The following LMBR1 variants were observed in gnomAD, a reference collection of about 807,000 sequenced individuals.
LMBR1 encodes limb region 1 protein homolog.
In LMBR1, 52 loss-of-function variants were observed where a neutral mutation model predicts 73.9. The ratio of observed to expected loss-of-function variants is 0.70; its 90% confidence interval spans 0.56 to 0.89. The LOEUF (loss-of-function observed/expected upper bound fraction) is 0.89, where lower values mean the gene tolerates loss of function less well. Ranked by LOEUF, LMBR1 falls within the 40% of genes least tolerant of loss-of-function variation. The probability of loss-of-function intolerance (pLI) is 0.00; values close to 1 mark genes in which losing one functional copy is unlikely to be tolerated. For synonymous variants in LMBR1, 215 were observed against 209.4 expected, an observed-to-expected ratio of 1.03 and a Z score of -0.23; for missense variants, 539 against 579.8, an observed-to-expected ratio of 0.93 and a Z score of 0.72.
chr7:156,756,591 CA>C (rs958142370), intron 8 of LMBR1, 126 bp from the exon 9 acceptor site: 1 of 589,984 alleles, frequency 1.7e-6, no homozygotes, highest in Non-Finnish European at 3.0e-6. Flanking sequence ...GAACACAAAA[CA>C]AAAAAACTCC....
intron 15 of LMBR1, among the ~76,000 whole-genome samples, chr7:156,716,832 T>C (rs981671556): frequency 3.3e-5 from 5 of 152,144 alleles, no homozygotes; most frequent in Admixed American, 6.5e-5. Flanking sequence ...AAGAGGTAGA[T>C]GTGAGGCCAG....
chr7:156,802,788 C>G (rs1831238062), intron 4 of LMBR1, among the ~76,000 whole-genome samples: 1 of 152,032 alleles, frequency 6.6e-6, no homozygotes, highest in African/African-American at 2.4e-5. Flanking sequence ...CCCACCTCCC[C>G]CTGATTCCCA....
chr7:156,699,979 G>C (rs13438473), intron 15 of LMBR1, among the ~76,000 whole-genome samples: 11,730 of 152,222 alleles, frequency 0.077, 651 homozygotes, highest in East Asian at 0.15. Flanking sequence ...GTGGAAGTCA[G>C]TGTGGCGATT....
chr7:156,736,474 C>G (rs1222524107), intron 9 of LMBR1: 1 of 455,976 alleles, frequency 2.2e-6, no homozygotes, highest in African/African-American at 2.0e-5. Context: ...GCACATAGCT[C>G]AAAGTGTCAA....
intron 5 of LMBR1, among the ~76,000 whole-genome samples, chr7:156,774,993 A>C (rs1417920436): frequency 1.8e-4 from 28 of 152,204 alleles, no homozygotes; most frequent in Non-Finnish European, 1.5e-5. Context: ...AGAAGGGAAC[A>C]ACAGACACTG....
downstream of LMBR1, chr7:156,676,412 G>A: frequency 1.9e-6 from 3 of 1,614,026 alleles, no homozygotes; most frequent in South Asian, 1.1e-5. Context: ...CGTCCTGTGT[G>A]CCGCAGGCTC....
intron 4 of LMBR1, among the ~76,000 whole-genome samples, chr7:156,815,798 G>A (rs10251204): frequency 0.36 from 54,014 of 151,652 alleles, 9,874 homozygotes; most frequent in East Asian, 0.57. Context: ...ATAAATCCTC[G>A]AATACTAAGG....
intron 5 of LMBR1, among the ~76,000 whole-genome samples, chr7:156,764,451 C>G (rs752664502): frequency 5.3e-5 from 8 of 152,026 alleles, no homozygotes; most frequent in Admixed American, 3.9e-4. Context: ...ACTTCAGGAC[C>G]AAACTAAAGG....
In LMBR1 at chr7:156,836,898, G is replaced by A. The variant is rs1044490037; in HGVS notation, c.67-13C>T. The A allele has an allele frequency of 1.8e-5, 27 of 1,508,510 alleles. No individual in the cohort carries two copies. Among genetic ancestry groups the A allele is most frequent in the Middle Eastern group, 1.7e-4 (1 of 5,896 alleles). The allele number at this position is 1,508,510 out of a possible 1,614,324, so 93.4% of individuals were successfully genotyped here. On this transcript the variant is annotated splice_polypyrimidine_tract_variant and intron_variant, in intron 1 of 16. Transcript: ENST00000353442. Reference sequence around the variant, plus strand: ...GAAGGAAACATATCTGAAACAAAACGAAGTTAACAGATCATTTACTTTTTT... The same window carrying A: ...GAAGGAAACATATCTGAAACAAAACAAAGTTAACAGATCATTTACTTTTTT...
intron 5 of LMBR1, among the ~76,000 whole-genome samples, chr7:156,788,361 A>C (rs1828536863): frequency 6.6e-6 from 1 of 152,198 alleles, no homozygotes; most frequent in South Asian, 2.1e-4. Flanking sequence ...TGTTACTATT[A>C]GTATGCTCTT....
intron 7 of LMBR1, among the ~76,000 whole-genome samples, chr7:156,762,584 A>T (rs1042096532): frequency 7.9e-5 from 12 of 152,384 alleles, no homozygotes; most frequent in African/African-American, 2.6e-4. Context: ...AAAGGTGACA[A>T]CCATAGTCTT....
intron 9 of LMBR1, among the ~76,000 whole-genome samples, chr7:156,750,975 TG>T (rs1820768392): frequency 6.6e-6 from 1 of 151,458 alleles, no homozygotes; most frequent in Admixed American, 6.6e-5. Context: ...CCGGGTATGG[TG>T]GTGGGCGCCT....
Position 156,736,565 on chromosome 7 carries a change from G to A in LMBR1, c.758-2308C>T, listed in dbSNP as rs1246221276. 3 of 456,864 alleles carry A rather than the reference G, an allele frequency of 6.6e-6. No homozygotes were observed. In the East Asian group the frequency reaches 2.1e-4, roughly 32 times the overall value. 28.3% of individuals were successfully genotyped at this position (456,864 alleles called of 1,614,324 possible). On this transcript the variant is annotated intron_variant, in intron 9 of 16. Coordinates refer to ENST00000353442, the MANE Select transcript of LMBR1 (RefSeq NM_022458.4). ...AGTAGCTGTCCAGCTTGTTCTTCTG[G>A]CACTTGTCTTCCTGTTGCAACTTCT...
At position 156,797,559 on chromosome 7, in the gene LMBR1, C is replaced by T. The variant is rs1253563763; in HGVS notation, c.320-1067G>A. On this transcript the variant is annotated intron_variant, in intron 4 of 16. Transcript: ENST00000353442. ...ACCCCTCTGCTCTCAGAGCTGCTCACGCTGCAGAGCTGCATGCAGAGACTA... is the reference window on the plus strand; with the variant it reads ...ACCCCTCTGCTCTCAGAGCTGCTCATGCTGCAGAGCTGCATGCAGAGACTA... Among the ~76,000 whole-genome samples the T allele has an allele frequency of 3.9e-5, 6 of 152,208 alleles. No individual in the cohort carries two copies. In the East Asian group the frequency reaches 5.8e-4, roughly 15 times the overall value.
At chr7:156,808,619 T>A (rs1446630166) in intron 4 of LMBR1, among the ~76,000 whole-genome samples, 1 of 152,246 alleles carries the variant, frequency 6.6e-6, no homozygotes, top group Non-Finnish European at 1.5e-5. Flanking sequence ...ACTTGCTTTT[T>A]GTTTTCTATT....
intron 15 of LMBR1, among the ~76,000 whole-genome samples, chr7:156,715,285 C>T (rs1563196298): frequency 1.3e-5 from 2 of 151,992 alleles, no homozygotes; most frequent in Non-Finnish European, 2.9e-5. Flanking sequence ...ATTCACATAA[C>T]ATAAAATTAA....
At chr7:156,786,867 T>A (rs776715072) in intron 5 of LMBR1, among the ~76,000 whole-genome samples, 1 of 152,190 alleles carries the variant, frequency 6.6e-6, no homozygotes, top group Non-Finnish European at 1.5e-5. Context: ...CTTAATTATA[T>A]CTTTATATAT....
rs576374069 is a variant in LMBR1 at position 156,874,304 on chromosome 7, G to A, written c.66+18624C>T. The stretch of plus-strand genomic sequence containing the variant: ...GCCGGCTGGCTGCTCCGAGTGCGGG[G>A]CCCACCAAGCCCACGCCCACCCGGA... On this transcript the variant is annotated intron_variant, in intron 1 of 16. Transcript: ENST00000353442. Among the ~76,000 whole-genome samples the A allele has an allele frequency of 1.3e-4, 20 of 152,312 alleles. 1 individual carries two copies. The highest frequency in any genetic ancestry group is 1.2e-3 in the Admixed American group (19 of 15,306).
intron 5 of LMBR1, among the ~76,000 whole-genome samples, chr7:156,794,818 C>T (rs909752923): frequency 4.6e-5 from 7 of 152,058 alleles, no homozygotes; most frequent in African/African-American, 1.7e-4. Context: ...GATTCGGTGC[C>T]GTGTCTACAG....
Sources: gnomAD v4.1 joint callset for allele counts (sites outside exome capture counted in the v4.1 genomes callset) on GRCh38, gnomAD v4.1.1 for gene constraint, MANE v1.5 for transcripts, NCBI Gene and HGNC (gene_info 2026-07-23, HGNC 2026-07-21) for gene names.